Variants in SLC13A1 observed in about 807,000 individuals in gnomAD.
SLC13A1 encodes Na(+)/sulfate cotransporter.
A neutral mutation model predicts 70.0 loss-of-function variants in SLC13A1; 65 were observed. The ratio of observed to expected loss-of-function variants is 0.93; its 90% confidence interval spans 0.76 to 1.14. SLC13A1 has a LOEUF of 1.14. SLC13A1 is among the 50% of genes most tolerant of loss of function. The pLI is 0.00. For synonymous variants in SLC13A1, 275 were observed against 250.5 expected (o/e 1.10, Z -0.92); for missense variants, 726 against 717.8 (o/e 1.01, Z -0.13).
Position 123,133,983 on chromosome 7 carries a change from G to A in SLC13A1, c.932+427C>T, listed in dbSNP as rs542530171. The stretch of plus-strand genomic sequence containing the variant: ...CTCTTGAGTAGCTGGGACCAGAGGC[G>A]CACACCACCATGCCTGGATGGTCCT... On this transcript the variant is annotated intron_variant, in intron 8 of 14. Transcript: ENST00000194130. 2.0e-5 allele frequency among the ~76,000 whole-genome samples: 3 copies of A among 152,158 alleles called. No homozygotes were observed. In the East Asian group the frequency reaches 5.8e-4, roughly 29 times the overall value.
At chr7:123,156,458 T>C (rs1794719537) in intron 6 of SLC13A1, among the ~76,000 whole-genome samples, 1 of 152,092 alleles carries the variant, frequency 6.6e-6, no homozygotes, top group Non-Finnish European at 1.5e-5. Flanking sequence ...GGTCCATATG[T>C]TGGTAGATGA....
rs77337937 is a variant in SLC13A1 at position 123,116,050 on chromosome 7, G to T, written c.1651-395C>A. Among the ~76,000 whole-genome samples, 1,441 of 152,272 alleles carry T rather than the reference G, an allele frequency of 9.5e-3. 19 individuals are homozygous for T. The highest frequency in any genetic ancestry group is 0.033 in the African/African-American group (1,364 of 41,562). On this transcript the variant is annotated intron_variant, in intron 14 of 14. Transcript: ENST00000194130. The stretch of plus-strand genomic sequence containing the variant: ...AAATCTGCCATTTCATGTTAAAGCA[G>T]AATTTCAGTTTTGTGGTTTTATATT...
At chr7:123,157,918 A>G (rs970629198) in intron 6 of SLC13A1, among the ~76,000 whole-genome samples, 1 of 152,126 alleles carries the variant, frequency 6.6e-6, no homozygotes, top group Non-Finnish European at 1.5e-5. Flanking sequence ...GAAAGAAAAT[A>G]TCATGCTGAA....
intron 3 of SLC13A1, among the ~76,000 whole-genome samples, chr7:123,170,529 G>T (rs373282743): frequency 2.6e-5 from 4 of 152,172 alleles, no homozygotes; most frequent in Non-Finnish European, 5.9e-5. Flanking sequence ...ACAGTGAGCA[G>T]AGGGTCAGGA....
At chr7:123,156,550 T>C (rs1563336385) in intron 6 of SLC13A1, among the ~76,000 whole-genome samples, 1 of 152,130 alleles carries the variant, frequency 6.6e-6, no homozygotes, top group Non-Finnish European at 1.5e-5. Flanking sequence ...CCTTTTGGTC[T>C]GCATGTTGAG....
intron 1 of SLC13A1, among the ~76,000 whole-genome samples, chr7:123,183,675 C>T (rs1246885376): frequency 6.6e-6 from 1 of 152,142 alleles, no homozygotes; most frequent in African/African-American, 2.4e-5. Context: ...ACATCAAGCC[C>T]TTCCCCAGAC....
At chr7:123,152,764 T>C (rs1373683056) in intron 6 of SLC13A1, among the ~76,000 whole-genome samples, 1 of 152,108 alleles carries the variant, frequency 6.6e-6, no homozygotes, top group Admixed American at 6.6e-5. Context: ...TCCCTTTCCC[T>C]TATATTTTAT....
chr7:123,153,057 CTTTCAAAAA>C (rs1427078478), intron 6 of SLC13A1, among the ~76,000 whole-genome samples: 1 of 151,850 alleles, frequency 6.6e-6, no homozygotes, highest in African/African-American at 2.4e-5. Flanking sequence ...CACCTTAAAA[CTTTCAAAAA>C]TATAAATAAA....
chr7:123,164,691 G>A (rs185044322), intron 6 of SLC13A1, among the ~76,000 whole-genome samples: 21 of 151,526 alleles, frequency 1.4e-4, no homozygotes, highest in East Asian at 1.9e-4. Flanking sequence ...CTGTGTTGAG[G>A]GAAATTCATA....
chr7:123,182,672 A>G (rs1231845330), intron 1 of SLC13A1, among the ~76,000 whole-genome samples: 1 of 152,116 alleles, frequency 6.6e-6, no homozygotes, highest in Non-Finnish European at 1.5e-5. Context: ...TCTGTTCACC[A>G]TATACACCCC....
At chr7:123,145,235 G>C (rs1794310275) in intron 7 of SLC13A1, among the ~76,000 whole-genome samples, 1 of 152,132 alleles carries the variant, frequency 6.6e-6, no homozygotes, top group South Asian at 2.1e-4. Flanking sequence ...GTAAGTTCTA[G>C]TATCATCCCC....
At chr7:123,188,390 CTAGTT>C (rs1261901625) in intron 1 of SLC13A1, among the ~76,000 whole-genome samples, 3 of 152,152 alleles carry the variant, frequency 2.0e-5, no homozygotes, top group Non-Finnish European at 4.4e-5. Context: ...GATGGTCATA[CTAGTT>C]TATATTAACA....
intron 7 of SLC13A1, among the ~76,000 whole-genome samples, chr7:123,145,430 T>C (rs563579561): frequency 6.6e-6 from 1 of 152,276 alleles, no homozygotes; most frequent in Admixed American, 6.5e-5. Context: ...ATGTGAATGA[T>C]GGAAACCAGC....
chr7:123,165,588 G>T (rs966916044), intron 6 of SLC13A1, among the ~76,000 whole-genome samples: 1 of 152,062 alleles, frequency 6.6e-6, no homozygotes, highest in Non-Finnish European at 1.5e-5. Context: ...TGACTTTCAG[G>T]TTGTCCCAAA....
intron 1 of SLC13A1, among the ~76,000 whole-genome samples, chr7:123,192,755 G>A (rs748146831): frequency 2.0e-5 from 3 of 151,948 alleles, no homozygotes; most frequent in Non-Finnish European, 2.9e-5. Flanking sequence ...TATGGTTCTT[G>A]GTATTCCTAC....
rs372227068 is a variant in SLC13A1, at chr7:123,180,555, A to G, written c.228+418T>C. 1.4e-3 allele frequency among the ~76,000 whole-genome samples: 206 copies of G among 152,282 alleles called. 1 individual carries two copies. Among genetic ancestry groups the G allele is most frequent in the Non-Finnish European group, 2.0e-3 (138 of 68,012 alleles). On this transcript the variant is annotated intron_variant, in intron 2 of 14. Transcript: ENST00000194130. ...TATACATGAACATTAGTTTGGCTTT[A>G]TCTTTTGAAATGGCAGGTTTCTGGA...
chr7:123,164,568 A>C (rs936314948), intron 6 of SLC13A1, among the ~76,000 whole-genome samples: 1 of 151,936 alleles, frequency 6.6e-6, no homozygotes, highest in African/African-American at 2.4e-5. Context: ...ATTACCAAAA[A>C]AAAAGCTAAG....
intron 14 of SLC13A1, among the ~76,000 whole-genome samples, chr7:123,116,178 G>A (rs1339820293): frequency 6.6e-6 from 1 of 152,026 alleles, no homozygotes; most frequent in African/African-American, 2.4e-5. Context: ...GAGATTTTAT[G>A]CCATGTCTAT....
rs190827796 is a variant in SLC13A1 at position 123,148,780 on chromosome 7, T to C, written c.661-1470A>G. 3.3e-5 allele frequency among the ~76,000 whole-genome samples: 5 copies of C among 151,910 alleles called. No individual in the cohort carries two copies. The East Asian group carries it at 9.8e-4, about 30-fold the overall frequency. ...TTGAAAACCCATAGCTGGAAGGAGG[T>C]TTGTGAGTTTGACTTTCTCTTTCTC... On this transcript the variant is annotated intron_variant, in intron 6 of 14. Transcript: ENST00000194130.
Sources: gnomAD v4.1 joint callset for allele counts (sites outside exome capture counted in the v4.1 genomes callset) on GRCh38, gnomAD v4.1.1 for gene constraint, MANE v1.5 for transcripts, NCBI Gene and HGNC (gene_info 2026-07-23, HGNC 2026-07-21) for gene names.